EPS8L2: variants seen among roughly 807,000 people sequenced by gnomAD.
EPS8L2 encodes the protein EPS8 signaling adaptor L2.
A neutral mutation model predicts 99.4 loss-of-function variants in EPS8L2; 81 were observed. The ratio of observed to expected loss-of-function variants is 0.82; its 90% confidence interval spans 0.68 to 0.98. The LOEUF (loss-of-function observed/expected upper bound fraction) is 0.98. Among genes scored for constraint, EPS8L2 ranks in the 50% least tolerant of loss-of-function variants. EPS8L2 has a pLI of 0.00. For synonymous variants in EPS8L2, 509 were observed against 407.3 expected, an observed-to-expected ratio of 1.25 and a Z score of -3.01; for missense variants, 1,155 against 968.8, an observed-to-expected ratio of 1.19 and a Z score of -2.55.
In EPS8L2 at chr11:724,230, G is replaced by GC. The variant is rs1014887692; in HGVS notation, c.1455-487dup. ...AGCCAGGACCCCTCAGCCAGGGCCA[G>GC]CCCCCCCGCGCTTTTGAGGTGCAGG... On this transcript the variant is annotated intron_variant, in intron 15 of 20. Transcript: ENST00000318562. The surrounding 1 kb of genome is among the most constrained non-coding windows in gnomAD (Gnocchi z 5.5). 9.2e-5 allele frequency among the ~76,000 whole-genome samples: 14 copies of GC among 152,168 alleles called. No individual in the cohort carries two copies. Among genetic ancestry groups the GC allele is most frequent in the East Asian group, 1.9e-4 (1 of 5,168 alleles).
chr11:724,556 G>C lies in EPS8L2; in HGVS notation c.1455-168G>C. ...GCCCCAAAGCTCTGGGGCTGTCACA[G>C]TTTCCATTCCGGGCTGACGCTGCCT... is the stretch of plus-strand genomic sequence containing the variant. On this transcript the variant is annotated intron_variant, in intron 15 of 20. Transcript: ENST00000318562. The surrounding 1 kb of genome is among the most constrained non-coding windows in gnomAD (Gnocchi z 5.5). 1 of 610,160 alleles carries C rather than the reference G, an allele frequency of 1.6e-6. No homozygotes were observed. Among genetic ancestry groups the C allele is most frequent in the Non-Finnish European group, 2.9e-6 (1 of 341,446 alleles). 37.8% of individuals were successfully genotyped at this position (610,160 alleles called of 1,614,324 possible).
chr11:723,775 C>A (rs1178663837), intron 15 of EPS8L2, among the ~76,000 whole-genome samples: 1 of 152,042 alleles, frequency 6.6e-6, no homozygotes, highest in Non-Finnish European at 1.5e-5. Flanking sequence ...CCCCCAGCCC[C>A]ACCTGTTTCC....
intron 12 of EPS8L2, 70 bp from the exon 13 acceptor site, chr11:722,331 T>C: frequency 1.3e-6 from 2 of 1,580,296 alleles, no homozygotes; most frequent in Non-Finnish European, 1.7e-6. Context: ...AGGGCCAGCC[T>C]GTGGAGCTAC....
chr11:721,277 C>T lies in EPS8L2; in HGVS notation c.701-8C>T, dbSNP rs1235944053. On this transcript the variant is annotated splice_polypyrimidine_tract_variant and splice_region_variant and intron_variant, in intron 8 of 20. Coordinates refer to ENST00000318562, the MANE Select transcript of EPS8L2 (RefSeq NM_022772.4). ...GGCTCGGTGAGCAGCCGCCGTGTCC[C>T]CCATCAGGTTTCCGCCGTCGGGAGT... The T allele has an allele frequency of 1.9e-6, 3 of 1,540,246 alleles. No homozygotes were observed. The highest frequency in any genetic ancestry group is 1.2e-5 in the South Asian group (1 of 83,886).
intron 4 of EPS8L2, among the ~76,000 whole-genome samples, chr11:713,618 C>T (rs1193206045): frequency 6.6e-6 from 1 of 152,196 alleles, no homozygotes; most frequent in Non-Finnish European, 1.5e-5. Flanking sequence ...GATCTTGGTT[C>T]ACTGCAACCT....
intron 5 of EPS8L2, 132 bp downstream of exon 5, chr11:720,355 A>T (rs1018278866): frequency 3.5e-6 from 4 of 1,148,094 alleles, no homozygotes; most frequent in Non-Finnish European, 4.9e-6. Context: ...TCCCTGGAAG[A>T]GGATGGGACA....
In EPS8L2 at chr11:722,551, T is replaced by C. The variant is rs1564977861; in HGVS notation, c.1208+2T>C. On this transcript the variant is annotated splice_donor_variant, in intron 13 of 20. Coordinates refer to ENST00000318562, the MANE Select transcript of EPS8L2 (RefSeq NM_022772.4). LOFTEE classifies it high-confidence loss of function. ...GGGAGAGAGCTGGATGCGGCCCCGG[T>C]AGGGCAGGGCAGAGCAGTGCCGGGG... is the stretch of plus-strand genomic sequence containing the variant. The C allele has an allele frequency of 1.9e-6, 3 of 1,612,278 alleles. No homozygotes were observed. The South Asian group carries it at 3.3e-5, about 18-fold the overall frequency.
chr11:724,424 G>A lies in EPS8L2; in HGVS notation c.1455-300G>A, dbSNP rs1862264017. ...GAACGCCCCTGGCTCTGGTTCCCCT[G>A]GGGTGCCGGACTGGAGACCCCTGAG... On this transcript the variant is annotated intron_variant, in intron 15 of 20. Transcript: ENST00000318562. The surrounding 1 kb of genome is among the most constrained non-coding windows in gnomAD (Gnocchi z 5.5). The A allele has an allele frequency of 2.5e-6, 1 of 405,726 alleles. No individual in the cohort carries two copies. The highest frequency in any genetic ancestry group is 4.6e-6 in the Non-Finnish European group (1 of 219,626). 25.1% of individuals were successfully genotyped at this position (405,726 alleles called of 1,614,324 possible).
At chr11:711,169 G>A (rs1166899545) in intron 4 of EPS8L2, among the ~76,000 whole-genome samples, 3 of 152,206 alleles carry the variant, frequency 2.0e-5, no homozygotes, top group Non-Finnish European at 4.4e-5. Context: ...CCAGCCCTGA[G>A]GGCTTTTCTG....
At chr11:708,071 C>T (rs1401574745) in intron 1 of EPS8L2, among the ~76,000 whole-genome samples, 1 of 152,180 alleles carries the variant, frequency 6.6e-6, no homozygotes, top group African/African-American at 2.4e-5. Context: ...CTGGTCAAAC[C>T]AGAAAGTCCC....
At position 725,776 on chromosome 11, in the gene EPS8L2, C is replaced by G. The variant is rs377042373; in HGVS notation, c.1609C>G (p.Gln537Glu). 9.9e-5 allele frequency: 134 copies of G among 1,360,296 alleles called. No homozygotes were observed. In the Admixed American group the frequency reaches 1.0e-3, roughly 10 times the overall value. 84.3% of individuals were successfully genotyped at this position (1,360,296 alleles called of 1,614,324 possible). A position where few individuals can be genotyped will look rare whatever the true frequency, so the allele number is the denominator to read the frequency against. The change falls in exon 17 of 21, where the codon CAG becomes GAG. Residue 537 changes from glutamine to glutamate, a missense_variant. Coordinates refer to ENST00000318562, the MANE Select transcript of EPS8L2 (RefSeq NM_022772.4). ...QWWKLRSRSG[Q>E]AGYVPCNILG... ...GTGGAAGCTGCGCAGCCGCAGCGGCCAGGCGGGGTACGTGCCCTGCAACAT... is the reference window on the plus strand; with the variant it reads ...GTGGAAGCTGCGCAGCCGCAGCGGCGAGGCGGGGTACGTGCCCTGCAACAT...
rs575169654 is a variant in EPS8L2, at chr11:709,133, G to A, written c.-78-197G>A. The A allele has an allele frequency of 5.5e-4, 323 of 590,522 alleles. 2 individuals carry two copies. In the South Asian group the frequency reaches 6.1e-3, roughly 11 times the overall value. The allele number at this position is 590,522 out of a possible 1,614,324, so 36.6% of individuals were successfully genotyped here. On this transcript the variant is annotated intron_variant, in intron 1 of 20. Transcript: ENST00000318562. ...CCCTGTGGAGCACCTAGGGTCTGAG[G>A]CATGACGAGGCTGATCGACTGTCAA...
At chr11:718,700 A>C in intron 4 of EPS8L2, among the ~76,000 whole-genome samples, 1 of 137,668 alleles carries the variant, frequency 7.3e-6, no homozygotes, top group African/African-American at 2.8e-5. Context: ...ATGGAGTCTC[A>C]CTCTGTCGCC....
At chr11:706,474 C>T (rs1382259713) in intron 1 of EPS8L2, 186 bp downstream of exon 1, 1 of 152,310 alleles carries the variant, frequency 6.6e-6, no homozygotes, top group African/African-American at 2.4e-5. Flanking sequence ...GTCCCCACCT[C>T]TCCTGGACGG....
At position 722,799 on chromosome 11, in the gene EPS8L2, C is replaced by G. The variant is rs1455851809; in HGVS notation, c.1335C>G (p.Ile445Met). The G allele has an allele frequency of 4.4e-6, 7 of 1,573,366 alleles. No homozygotes were observed. Among genetic ancestry groups the G allele is most frequent in the African/African-American group, 2.7e-5 (2 of 74,060 alleles). The change falls in exon 14 of 21, where the codon ATC (isoleucine) becomes ATG (methionine). Residue 445 changes from isoleucine (I) to methionine (M), a missense_variant. By Grantham distance (10) the Ile-to-Met change is conservative. Transcript: ENST00000318562. ...WEVEGLASAP[I>M]EEVSPVSRQS... ...TGGAGGGGCTGGCGTCTGCCCCCAT[C>G]GAGGAGGTGAGAGCACCAGCAGCCC...
chr11:727,034 T>C lies in EPS8L2; in HGVS notation c.*53T>C, dbSNP rs1862350629. Reference sequence around the variant, plus strand: ...GGAGGGGAAGCCCACCCACAATGCATGGAGTATTATTTTTATATGTGTATG... The same window carrying C: ...GGAGGGGAAGCCCACCCACAATGCACGGAGTATTATTTTTATATGTGTATG... On this transcript the variant is annotated 3_prime_UTR_variant, in exon 21 of 21. Transcript: ENST00000318562. 2 of 1,209,078 alleles carry C rather than the reference T, an allele frequency of 1.7e-6. No homozygotes were observed. The highest frequency in any genetic ancestry group is 1.9e-5 in the Admixed American group (1 of 53,170). 74.9% of individuals were successfully genotyped at this position (1,209,078 alleles called of 1,614,324 possible). A position where few individuals can be genotyped will look rare whatever the true frequency, so the allele number is the denominator to read the frequency against.
At chr11:721,444 T>A in intron 9 of EPS8L2, 92 bp downstream of exon 9, 2 of 1,488,568 alleles carry the variant, frequency 1.3e-6, no homozygotes, top group Non-Finnish European at 1.8e-6. Flanking sequence ...GTCCCCAGCC[T>A]GTGGCTGCCC....
At position 727,142 on chromosome 11, in the gene EPS8L2, G is replaced by C; in HGVS notation, c.*161G>C. ...TCTGGAGGCACAACGCCCATCCTTA[G>C]GCCAAACAGTACCCAAGGCCTCAGC... On this transcript the variant is annotated 3_prime_UTR_variant, in exon 21 of 21. Coordinates refer to ENST00000318562, the MANE Select transcript of EPS8L2 (RefSeq NM_022772.4). The C allele has an allele frequency of 6.6e-6, 4 of 604,872 alleles. No individual in the cohort carries two copies. The highest frequency in any genetic ancestry group is 5.9e-5 in the South Asian group (3 of 50,618). The allele number at this position is 604,872 out of a possible 1,614,324, so 37.5% of individuals were successfully genotyped here. A position where few individuals can be genotyped will look rare whatever the true frequency, so the allele number is the denominator to read the frequency against.
rs767547120 is a variant in EPS8L2, at chr11:721,528, G to C, written c.769-37G>C. 1.1e-5 allele frequency: 17 copies of C among 1,524,938 alleles called. No individual in the cohort carries two copies. The Admixed American group carries it at 3.4e-4, about 30-fold the overall frequency. 94.5% of individuals were successfully genotyped at this position (1,524,938 alleles called of 1,614,324 possible). On this transcript the variant is annotated intron_variant, in intron 9 of 20. Transcript: ENST00000318562. ...CTGCAGCAAGGCGGGGCGGTGGGGA[G>C]TGTCAGGGGCTGACCCCTGACCCCC...
Sources: gnomAD v4.1 joint callset for allele counts (sites outside exome capture counted in the v4.1 genomes callset) on GRCh38, gnomAD v4.1.1 for gene constraint, Gnocchi (gnomAD v3.1) non-coding constraint, MANE v1.5 for transcripts, NCBI Gene and HGNC (gene_info 2026-07-23, HGNC 2026-07-21) for gene names.